Variants in AGBL3 observed in about 807,000 individuals in gnomAD.
AGBL3 encodes the protein AGBL carboxypeptidase 3.
AGBL3 carries 68 observed loss-of-function variants against 94.5 expected under a neutral mutation model. The ratio of observed to expected loss-of-function variants is 0.72; its 90% CI spans 0.59 to 0.88. The LOEUF is 0.88. Among genes scored for constraint, AGBL3 ranks in the 40% least tolerant of loss-of-function variants. The pLI, the probability that AGBL3 is intolerant of heterozygous loss-of-function variation, is 0.00. For missense variants in AGBL3, 934 were observed against 1,103.8 expected (o/e 0.85, Z 2.18); for synonymous variants, 354 against 370.7 (o/e 0.95, Z 0.52).
At chr7:134,994,409 G>C (rs1319893233) in intron 4 of AGBL3, among the ~76,000 whole-genome samples, 1 of 136,278 alleles carries the variant, frequency 7.3e-6, no homozygotes, top group Non-Finnish European at 1.6e-5. Context: ...TTCTGTATGT[G>C]TCCATTCCCA....
intron 5 of AGBL3, among the ~76,000 whole-genome samples, chr7:135,021,794 G>C (rs1325243823): frequency 6.6e-6 from 1 of 151,622 alleles, no homozygotes; most frequent in Admixed American, 6.6e-5. Flanking sequence ...TACATTAGCT[G>C]TTTGTCCTGA....
Position 135,026,258 on chromosome 7 carries a change from T to TTTTATTTTATTTTA in AGBL3, c.419-6582_419-6569dup, listed in dbSNP as rs1554497689. 1.7e-3 allele frequency among the ~76,000 whole-genome samples: 102 copies of TTTTATTTTATTTTA among 58,380 alleles called. 2 individuals are homozygous for TTTTATTTTATTTTA. Among genetic ancestry groups the TTTTATTTTATTTTA allele is most frequent in the South Asian group, 3.2e-3 (7 of 2,190 alleles). 38.3% of individuals were successfully genotyped at this position (58,380 alleles called of 152,430 possible). A position where few individuals can be genotyped will look rare whatever the true frequency, so the allele number is the denominator to read the frequency against. On this transcript the variant is annotated intron_variant, in intron 5 of 16. Coordinates refer to ENST00000436302, the MANE Select transcript of AGBL3 (RefSeq NM_178563.4). ...AAATGAATACCATTATTTTATTTTATTTTATTTTATTTTATTTTATTTTAT... is the reference window on the plus strand; with the variant it reads ...AAATGAATACCATTATTTTATTTTATTTTATTTTATTTTATTTATTTTATTTTATTTTATTTTAT...
chr7:135,100,362 C>A lies in AGBL3; in HGVS notation c.2111-15018C>A, dbSNP rs1823645859. Among the ~76,000 whole-genome samples the A allele has an allele frequency of 2.0e-5, 3 of 152,094 alleles. 1 individual carries two copies. Among genetic ancestry groups the A allele is most frequent in the South Asian group, 4.1e-4 (2 of 4,830 alleles). On this transcript the variant is annotated intron_variant, in intron 15 of 16. Transcript: ENST00000436302. The stretch of plus-strand genomic sequence containing the variant: ...AGAATGGGAAGTCAAATATAACAGA[C>A]AAACTTTATAGTTTTGTCTAAACCA...
chr7:135,085,401 T>C (rs1335277530), intron 15 of AGBL3, among the ~76,000 whole-genome samples: 3 of 152,102 alleles, frequency 2.0e-5, no homozygotes, highest in Non-Finnish European at 2.9e-5. Context: ...GCTTTTGAGG[T>C]CTTCTCCATA....
chr7:135,034,345 C>T lies in AGBL3; in HGVS notation c.754C>T (p.His252Tyr). ...CTATTCTGAAAAAGAGGCCAAGGCT[C>T]ATCACATTGGCTGGCAGAGAATAGG... ...LFYSEKEAKA[H>Y]HIGWQRIGDQ... Residue 252 changes from histidine (H) to tyrosine (Y), a missense_variant, in exon 7 of 17, where the codon CAT becomes TAT. His to Tyr is a moderately conservative substitution (Grantham distance 83). Coordinates refer to ENST00000436302, the MANE Select transcript of AGBL3 (RefSeq NM_178563.4). 6.4e-7 allele frequency: 1 copy of T among 1,551,650 alleles called. No homozygotes were observed. Among genetic ancestry groups the T allele is most frequent in the East Asian group, 2.4e-5 (1 of 40,918 alleles).
chr7:135,104,329 A>G (rs1386856743), intron 15 of AGBL3, among the ~76,000 whole-genome samples: 1 of 152,212 alleles, frequency 6.6e-6, no homozygotes, highest in Non-Finnish European at 1.5e-5. Flanking sequence ...ATAGGCATCT[A>G]GGTTGATTCC....
At chr7:135,015,736 C>T (rs2133482840) in intron 4 of AGBL3, among the ~76,000 whole-genome samples, 1 of 151,772 alleles carries the variant, frequency 6.6e-6, no homozygotes, top group South Asian at 2.1e-4. Context: ...ATACACAGGC[C>T]GGGCATGGTG....
chr7:135,074,876 TATTG>T (rs1432202107), intron 12 of AGBL3, among the ~76,000 whole-genome samples: 1 of 152,200 alleles, frequency 6.6e-6, no homozygotes, highest in Non-Finnish European at 1.5e-5. Flanking sequence ...AATGGTCAGA[TATTG>T]ATTATGTGCC....
At chr7:135,004,620 G>A (rs1812153864) in intron 4 of AGBL3, among the ~76,000 whole-genome samples, 1 of 46,460 alleles carries the variant, frequency 2.2e-5, no homozygotes, top group Non-Finnish European at 5.8e-5. Context: ...TCTGTTCCAG[G>A]GACAGTTTTG....
At chr7:135,026,571 G>T (rs983451826) in intron 5 of AGBL3, among the ~76,000 whole-genome samples, 1 of 151,654 alleles carries the variant, frequency 6.6e-6, no homozygotes, top group South Asian at 2.1e-4. Flanking sequence ...CACCATGCCC[G>T]CCAGTGTCTT....
chr7:135,058,146 T>C (rs1257810000), intron 11 of AGBL3, among the ~76,000 whole-genome samples: 1 of 152,156 alleles, frequency 6.6e-6, no homozygotes, highest in East Asian at 1.9e-4. Flanking sequence ...AGATATCTAA[T>C]TTACAAATGT....
intron 12 of AGBL3, among the ~76,000 whole-genome samples, chr7:135,065,307 T>A (rs1374638657): frequency 1.3e-5 from 2 of 152,232 alleles, no homozygotes; most frequent in Non-Finnish European, 2.9e-5. Flanking sequence ...ATGACATTTT[T>A]CACAGAAATA....
At position 135,135,053 on chromosome 7, in the gene AGBL3, T is replaced by A. The variant is rs951629585; in HGVS notation, c.2555T>A (p.Ile852Lys). Residue 852 changes from isoleucine (I) to lysine (K), a missense_variant, in exon 17 of 17, where the codon ATA becomes AAA. Transcript: ENST00000436302. ...ATCTGGGCCATAAAGAATGAAGACA[T>A]AAAACCTCTCAGCAGCAAGTGGGAG... ...SQIWAIKNED[I>K]KPLSSKWETA... 6.4e-7 allele frequency: 1 copy of A among 1,551,202 alleles called. No individual in the cohort carries two copies. Among genetic ancestry groups the A allele is most frequent in the African/African-American group, 1.4e-5 (1 of 73,104 alleles).
intron 5 of AGBL3, 46 bp from the exon 6 acceptor site, chr7:135,032,798 A>T: frequency 6.7e-7 from 1 of 1,493,256 alleles, no homozygotes; most frequent in African/African-American, 1.4e-5. Flanking sequence ...TAACCTTCTT[A>T]CTTTAGGTAT....
intron 5 of AGBL3, among the ~76,000 whole-genome samples, chr7:135,031,113 C>T (rs993444682): frequency 6.6e-6 from 1 of 151,440 alleles, no homozygotes; most frequent in African/African-American, 2.4e-5. Context: ...CTGTTAATTC[C>T]AACATTTGCA....
chr7:135,122,149 G>A (rs1054569793), intron 16 of AGBL3, among the ~76,000 whole-genome samples: 4 of 152,186 alleles, frequency 2.6e-5, no homozygotes, highest in Non-Finnish European at 5.9e-5. Flanking sequence ...CCTGGGTGGT[G>A]GAAGGGCATC....
chr7:135,034,895 C>T lies in AGBL3; in HGVS notation c.1304C>T (p.Pro435Leu). 3 of 1,544,040 alleles carry T rather than the reference C, an allele frequency of 1.9e-6. No homozygotes were observed. The highest frequency in any genetic ancestry group is 1.7e-6 in the Non-Finnish European group (2 of 1,143,768). ...NYTSLLKESF[P>L]SVWYTRNMVH... ...ACATCTCTCCTGAAGGAATCTTTTC[C>T]TTCTGTATGGTATACCCGGAACATG... The change falls in exon 7 of 17, where the codon CCT (proline) becomes CTT (leucine). Residue 435 changes from proline (P) to leucine (L), a missense_variant. By Grantham distance (98) the Pro-to-Leu change is moderately conservative. Coordinates refer to ENST00000436302, the MANE Select transcript of AGBL3 (RefSeq NM_178563.4).
At chr7:135,133,628 C>T (rs1361764720) in intron 16 of AGBL3, among the ~76,000 whole-genome samples, 1 of 152,070 alleles carries the variant, frequency 6.6e-6, no homozygotes, top group East Asian at 1.9e-4. Context: ...CATAAATTTG[C>T]TCCACTGATT....
chr7:135,067,826 G>A (rs996347526), intron 12 of AGBL3, among the ~76,000 whole-genome samples: 1 of 152,192 alleles, frequency 6.6e-6, no homozygotes, highest in African/African-American at 2.4e-5. Flanking sequence ...CTAAAAATCA[G>A]AGCGCCTCTC....
Sources: allele counts gnomAD v4.1 joint callset (sites outside exome capture counted in the v4.1 genomes callset), GRCh38; gene constraint gnomAD v4.1.1; transcripts MANE v1.5; gene names NCBI Gene and HGNC (gene_info 2026-07-23, HGNC 2026-07-21).